The following NODAL variants were observed in gnomAD, a reference collection of about 807,000 sequenced individuals.
NODAL encodes nodal homolog.
A neutral mutation model predicts 34.0 loss-of-function variants in NODAL; 12 were observed. That is an observed-to-expected ratio of 0.35 (90% confidence interval 0.23 to 0.57). The LOEUF is 0.57. Ranked by LOEUF, NODAL falls within the 20% of genes least tolerant of loss-of-function variation. The pLI, the probability that NODAL is intolerant of heterozygous loss-of-function variation, is 0.83. For synonymous variants in NODAL, 162 were observed against 186.4 expected (o/e 0.87, Z 1.07); for missense variants, 390 against 444.2 (o/e 0.88, Z 1.10).
intron 1 of NODAL, among the ~76,000 whole-genome samples, chr10:70,437,443 A>G (rs1003523527): frequency 3.3e-5 from 5 of 152,208 alleles, no homozygotes; most frequent in African/African-American, 9.6e-5. Flanking sequence ...CTCTGTCTCA[A>G]CAAAAACAAC....
intron 1 of NODAL, among the ~76,000 whole-genome samples, 187 bp downstream of exon 1, chr10:70,441,288 T>A (rs1845426848): frequency 6.6e-6 from 1 of 152,222 alleles, no homozygotes; most frequent in Non-Finnish European, 1.5e-5. Context: ...CCACCAACGC[T>A]GCACCCCGAG....
Position 70,432,856 on chromosome 10 carries a change from G to T in NODAL, c.*80C>A. 1 of 1,544,388 alleles carries T rather than the reference G, an allele frequency of 6.5e-7. No homozygotes were observed. Among genetic ancestry groups the T allele is most frequent in the Non-Finnish European group, 8.9e-7 (1 of 1,119,056 alleles). ...TGCCCCTCTCTGTTTCTCCTTACTG[G>T]ATTAGATGGTTATCATGTCTTCCAG... On this transcript the variant is annotated 3_prime_UTR_variant, in exon 3 of 3. Transcript: ENST00000287139.
chr10:70,440,508 G>A (rs1845413766), intron 1 of NODAL, among the ~76,000 whole-genome samples: 1 of 152,164 alleles, frequency 6.6e-6, no homozygotes. Flanking sequence ...GATCAGATTA[G>A]CGTTTGTGGA....
At chr10:70,442,838 C>T (rs1554850719), upstream of NODAL, among the ~76,000 whole-genome samples, 1 of 152,108 alleles carries the variant, frequency 6.6e-6, no homozygotes, top group Non-Finnish European at 1.5e-5. Context: ...AATTTCAGCA[C>T]TTAGGGAGGA....
chr10:70,441,768 G>T, upstream of NODAL: 2 of 1,278,916 alleles, frequency 1.6e-6, no homozygotes, highest in Non-Finnish European at 2.2e-6. Flanking sequence ...GAAGCTTTAA[G>T]ATCATATAAC....
rs113255026 is a variant in NODAL at position 70,433,005 on chromosome 10, A to G, written c.975T>C (p.Tyr325=). 1 of 1,613,818 alleles carries G rather than the reference A, an allele frequency of 6.2e-7. No homozygotes were observed. Among genetic ancestry groups the G allele is most frequent in the Non-Finnish European group, 8.5e-7 (1 of 1,180,018 alleles). The part of the protein sequence containing the change: ...PVKTKPLSML[Y]VDNGRVLLDH... ...CTAGGAGCACTCTGCCATTATCCACATACAGCATGCTCAGCGGCTTGGTCT... is the reference window on the plus strand; with the variant it reads ...CTAGGAGCACTCTGCCATTATCCACGTACAGCATGCTCAGCGGCTTGGTCT... Residue 325 remains tyrosine, a synonymous_variant, in exon 3 of 3, where the codon TAT becomes TAC. Coordinates refer to ENST00000287139, the MANE Select transcript of NODAL (RefSeq NM_018055.5).
chr10:70,445,669 C>T (rs1219408521), upstream of NODAL, among the ~76,000 whole-genome samples: 1 of 152,220 alleles, frequency 6.6e-6, no homozygotes, highest in Non-Finnish European at 1.5e-5. Context: ...TCCTCATCCC[C>T]ACTTCAGAGA....
chr10:70,444,410 G>C (rs576390451), upstream of NODAL, among the ~76,000 whole-genome samples: 3 of 150,706 alleles, frequency 2.0e-5, no homozygotes, highest in South Asian at 6.3e-4. Context: ...GTTCATTGCA[G>C]CCTCTACCTC....
At chr10:70,438,602 G>A (rs1845385617) in intron 1 of NODAL, among the ~76,000 whole-genome samples, 1 of 152,318 alleles carries the variant, frequency 6.6e-6, no homozygotes, top group African/African-American at 2.4e-5. Context: ...CCAGGTCCGA[G>A]AGTTAGAAAT....
At chr10:70,437,192 C>T (rs1845367656) in intron 1 of NODAL, among the ~76,000 whole-genome samples, 1 of 152,220 alleles carries the variant, frequency 6.6e-6, no homozygotes, top group Non-Finnish European at 1.5e-5. Flanking sequence ...CCTGTAATCC[C>T]AGCACTTTGG....
intron 1 of NODAL, among the ~76,000 whole-genome samples, chr10:70,440,710 C>T (rs1476205603): frequency 6.6e-6 from 1 of 152,208 alleles, no homozygotes; most frequent in Non-Finnish European, 1.5e-5. Flanking sequence ...CCTCAGATCC[C>T]TGCCGTCCTT....
upstream of NODAL, among the ~76,000 whole-genome samples, chr10:70,442,960 G>A (rs183574120): frequency 7.2e-5 from 11 of 152,176 alleles, no homozygotes; most frequent in South Asian, 8.3e-4. Context: ...TGTGGTGTGC[G>A]CCTGTAGTCC....
At position 70,441,475 on chromosome 10, in the gene NODAL, C is replaced by T. The variant is rs1219433400; in HGVS notation, c.193G>A (p.Asp65Asn). The T allele has an allele frequency of 4.4e-6, 7 of 1,577,978 alleles. No homozygotes were observed. The highest frequency in any genetic ancestry group is 4.0e-5 in the African/African-American group (3 of 74,112). Residue 65 changes from aspartate (D) to asparagine (N), a missense_variant and splice_region_variant, in exon 1 of 3, where the codon GAT becomes AAT. Transcript: ENST00000287139. ...ADIIRSLQAE[D>N]VAVDGQNWTF... is the part of the protein sequence containing the mutation. ...GGGCGCGGCACGCGGCACTGCCTAC[C>T]TTCTGCCTGTAGGCTGCGGATGATG...
upstream of NODAL, among the ~76,000 whole-genome samples, chr10:70,442,680 A>G (rs149436938): frequency 6.9e-4 from 105 of 152,266 alleles, no homozygotes; most frequent in Middle Eastern, 0.01. Context: ...AGCCTTGACA[A>G]GCACTTAGCT....
Position 70,432,792 on chromosome 10 carries a change from G to A in NODAL, c.*144C>T. On this transcript the variant is annotated 3_prime_UTR_variant, in exon 3 of 3. Transcript: ENST00000287139. Reference sequence around the variant, plus strand: ...ACTGAGCCCTTCATTTACAGAGTGGGCAGCCCCTCCTCTTCAGTTCTGGTG... The same window carrying A: ...ACTGAGCCCTTCATTTACAGAGTGGACAGCCCCTCCTCTTCAGTTCTGGTG... 2 of 901,950 alleles carry A rather than the reference G, an allele frequency of 2.2e-6. No individual in the cohort carries two copies. Among genetic ancestry groups the A allele is most frequent in the South Asian group, 2.7e-5 (2 of 73,436 alleles). The allele number at this position is 901,950 out of a possible 1,614,324, so 55.9% of individuals were successfully genotyped here.
upstream of NODAL, among the ~76,000 whole-genome samples, chr10:70,445,596 A>G (rs1208826404): frequency 1.3e-5 from 2 of 152,236 alleles, no homozygotes; most frequent in East Asian, 1.9e-4. Flanking sequence ...AATAATAACC[A>G]TAGCTAACAT....
Position 70,432,980 on chromosome 10 carries a change from C to G in NODAL, c.1000G>C (p.Asp334His). The change falls in exon 3 of 3, where the codon GAT (aspartate) becomes CAT (histidine). Residue 334 changes from aspartate to histidine, a missense_variant. Transcript: ENST00000287139. ...TCCACGATCATGTCTTTATGGTGAT[C>G]TAGGAGCACTCTGCCATTATCCACA... is the stretch of plus-strand genomic sequence containing the variant. Reference protein sequence around the residue: ...LYVDNGRVLLDHHKDMIVEEC... With the variant: ...LYVDNGRVLLHHHKDMIVEEC... 1 of 1,614,132 alleles carries G rather than the reference C, an allele frequency of 6.2e-7. No homozygotes were observed.
chr10:70,446,551 T>C (rs1845487771), upstream of NODAL, among the ~76,000 whole-genome samples: 1 of 152,156 alleles, frequency 6.6e-6, no homozygotes, highest in African/African-American at 2.4e-5. Context: ...CATTCATTCA[T>C]TCATCGAACA....
At chr10:70,434,647 G>A (rs1460386293) in intron 2 of NODAL, among the ~76,000 whole-genome samples, 4 of 152,208 alleles carry the variant, frequency 2.6e-5, no homozygotes, top group African/African-American at 4.8e-5. Context: ...TCAGGCATGT[G>A]CCACCGCACC....
Sources: gnomAD v4.1 joint callset for allele counts (sites outside exome capture counted in the v4.1 genomes callset) on GRCh38, gnomAD v4.1.1 for gene constraint, MANE v1.5 for transcripts, NCBI Gene and HGNC (gene_info 2026-07-23, HGNC 2026-07-21) for gene names.